EPHA6: variants seen among roughly 807,000 people sequenced by gnomAD.
EPHA6 encodes EPH receptor A6.
In EPHA6, 50 loss-of-function variants were observed where a neutral mutation model predicts 112.0. That is an observed-to-expected ratio of 0.45 (90% CI 0.36 to 0.56). The LOEUF (loss-of-function observed/expected upper bound fraction) is 0.56. Among genes scored for constraint, EPHA6 ranks in the 20% least tolerant of loss-of-function variants. The pLI is 0.00. For synonymous variants in EPHA6, 529 were observed against 490.7 expected, an observed-to-expected ratio of 1.08 and a Z score of -1.03; for missense variants, 1,280 against 1,417.4, an observed-to-expected ratio of 0.90 and a Z score of 1.56.
At position 97,148,158 on chromosome 3, in the gene EPHA6, T is replaced by G. The variant is rs886529023; in HGVS notation, c.1115-78106T>G. ...CACCCAGAGACACTTGTAATGAAAG[T>G]GTACTTCATATCTTTAAAATGCACA... On this transcript the variant is annotated intron_variant, in intron 3 of 17. Transcript: ENST00000389672. 3.9e-5 allele frequency among the ~76,000 whole-genome samples: 6 copies of G among 152,198 alleles called. No individual in the cohort carries two copies. The South Asian group carries it at 6.2e-4, about 16-fold the overall frequency.
chr3:97,633,594 A>T (rs1343897301), intron 13 of EPHA6, among the ~76,000 whole-genome samples: 1 of 152,112 alleles, frequency 6.6e-6, no homozygotes, highest in Non-Finnish European at 1.5e-5. Flanking sequence ...ACTGCTACAT[A>T]AAGGGATAAT....
chr3:97,093,585 G>A (rs72920221), intron 3 of EPHA6, among the ~76,000 whole-genome samples: 2,833 of 151,894 alleles, frequency 0.019, 90 homozygotes, highest in African/African-American at 0.059. Context: ...GGGATAATAC[G>A]CCTGAATGAT....
At chr3:97,233,090 A>G (rs1035109870) in intron 4 of EPHA6, among the ~76,000 whole-genome samples, 8 of 152,048 alleles carry the variant, frequency 5.3e-5, no homozygotes, top group East Asian at 1.9e-4. Context: ...TTGGGAGACC[A>G]CTGTTCCCTG....
intron 3 of EPHA6, among the ~76,000 whole-genome samples, chr3:97,107,247 C>A (rs1346039769): frequency 6.6e-6 from 1 of 151,976 alleles, no homozygotes; most frequent in Non-Finnish European, 1.5e-5. Context: ...GGAGAAAAAT[C>A]TGCCTGAATA....
intron 14 of EPHA6, among the ~76,000 whole-genome samples, chr3:97,645,544 T>C (rs1046571307): frequency 1.0e-4 from 15 of 143,862 alleles, no homozygotes; most frequent in African/African-American, 1.8e-4. Flanking sequence ...AGGGATAGCA[T>C]TGGGAGATAT....
chr3:97,431,172 A>G (rs1559998157), intron 6 of EPHA6, among the ~76,000 whole-genome samples: 1 of 152,190 alleles, frequency 6.6e-6, no homozygotes, highest in East Asian at 1.9e-4. Context: ...AAAGTTTGTT[A>G]TCTCAATTTA....
intron 3 of EPHA6, among the ~76,000 whole-genome samples, chr3:97,122,797 T>C (rs914454148): frequency 6.6e-6 from 1 of 152,046 alleles, no homozygotes; most frequent in Admixed American, 6.6e-5. Flanking sequence ...CCTAATTATA[T>C]GATTAAAATA....
In EPHA6 at chr3:96,997,712, C is replaced by T. The variant is rs562487194; in HGVS notation, c.1114+9719C>T. Among the ~76,000 whole-genome samples, 4 of 151,978 alleles carry T rather than the reference C, an allele frequency of 2.6e-5. No individual in the cohort carries two copies. In the South Asian group the frequency reaches 8.3e-4, roughly 32 times the overall value. On this transcript the variant is annotated intron_variant, in intron 3 of 17. Transcript: ENST00000389672. ...TCATTGATAATATCTGTTATGGTGA[C>T]CTATGATATAGGATCTACATTACAT...
intron 3 of EPHA6, among the ~76,000 whole-genome samples, chr3:97,105,724 G>A (rs6774704): frequency 0.26 from 39,207 of 151,990 alleles, 8,087 homozygotes; most frequent in African/African-American, 0.56. Context: ...CTCTGCCATG[G>A]TGATCTTTCT....
intron 2 of EPHA6, among the ~76,000 whole-genome samples, chr3:96,890,642 C>T (rs924716518): frequency 6.6e-6 from 1 of 151,972 alleles, no homozygotes; most frequent in Non-Finnish European, 1.5e-5. Flanking sequence ...TCAATATGCA[C>T]ATAAAAAAAT....
intron 3 of EPHA6, among the ~76,000 whole-genome samples, chr3:97,055,229 A>G (rs971971968): frequency 2.0e-5 from 3 of 152,154 alleles, no homozygotes; most frequent in African/African-American, 4.8e-5. Flanking sequence ...AGGGACATCT[A>G]TTTTTAACAA....
At chr3:97,154,990 A>T (rs1184728402) in intron 3 of EPHA6, among the ~76,000 whole-genome samples, 1 of 152,180 alleles carries the variant, frequency 6.6e-6, no homozygotes, top group Non-Finnish European at 1.5e-5. Context: ...TAAAATAAAG[A>T]TTATATTGTA....
Position 97,532,667 on chromosome 3 carries a change from A to G in EPHA6, c.2386+124A>G, listed in dbSNP as rs183162382. 2.5e-5 allele frequency: 19 copies of G among 771,444 alleles called. No individual in the cohort carries two copies. The East Asian group carries it at 5.1e-4, about 21-fold the overall frequency. The allele number at this position is 771,444 out of a possible 1,614,324, so 47.8% of individuals were successfully genotyped here. A position where few individuals can be genotyped will look rare whatever the true frequency, so the allele number is the denominator to read the frequency against. ...GGAATAACTTAGTTCAGATATCATC[A>G]CCCCCTCAGAGACTTGATCCTAGGC... On this transcript the variant is annotated intron_variant, in intron 11 of 17. Coordinates refer to ENST00000389672, the MANE Select transcript of EPHA6 (RefSeq NM_001080448.3).
At chr3:97,419,031 A>G (rs1259047232) in intron 6 of EPHA6, among the ~76,000 whole-genome samples, 2 of 152,196 alleles carry the variant, frequency 1.3e-5, no homozygotes, top group East Asian at 3.8e-4. Flanking sequence ...AGGGCCAGGC[A>G]CTGTGGCTCA....
rs1447756825 is a variant in EPHA6 at position 97,448,607 on chromosome 3, G to A, written c.1771G>A (p.Ala591Thr). Reference sequence around the variant, plus strand: ...GACCTACTCTTCCACAAGGTCCAAAGCCCCCAGTGTCATCATCACAGGTCT... The same window carrying A: ...GACCTACTCTTCCACAAGGTCCAAAACCCCCAGTGTCATCATCACAGGTCT... The part of the protein sequence containing the change: ...QLTYSSTRSK[A>T]PSVIITGLKP... The change falls in exon 7 of 18, where the codon GCC becomes ACC. Residue 591 changes from alanine to threonine, a missense_variant. Ala to Thr is a moderately conservative substitution (Grantham distance 58). Coordinates refer to ENST00000389672, the MANE Select transcript of EPHA6 (RefSeq NM_001080448.3). 1 of 1,613,406 alleles carries A rather than the reference G, an allele frequency of 6.2e-7. No homozygotes were observed. The highest frequency in any genetic ancestry group is 8.5e-7 in the Non-Finnish European group (1 of 1,179,552).
chr3:97,567,732 C>T (rs962475511), intron 11 of EPHA6, among the ~76,000 whole-genome samples: 1 of 152,106 alleles, frequency 6.6e-6, no homozygotes, highest in Non-Finnish European at 1.5e-5. Context: ...TACCTCTTAC[C>T]CATGAACGTG....
In EPHA6 at chr3:96,862,366, G is replaced by T. The variant is rs185806182; in HGVS notation, c.386-4459G>T. 4.5e-3 allele frequency among the ~76,000 whole-genome samples: 680 copies of T among 151,868 alleles called. 2 individuals are homozygous for T. The highest frequency in any genetic ancestry group is 7.2e-3 in the Non-Finnish European group (488 of 67,816). ...TTAGTAACTCAGAACCTTAAGCTGG[G>T]CCTTAAAGCTTCTAAATTGAATGAT... is the stretch of plus-strand genomic sequence containing the variant. On this transcript the variant is annotated intron_variant, in intron 1 of 17. Coordinates refer to ENST00000389672, the MANE Select transcript of EPHA6 (RefSeq NM_001080448.3).
chr3:97,000,438 A>T (rs1221214838), intron 3 of EPHA6, among the ~76,000 whole-genome samples: 1 of 151,648 alleles, frequency 6.6e-6, no homozygotes, highest in African/African-American at 2.4e-5. Context: ...CAAAAATTTC[A>T]AAGTCCAGAG....
intron 3 of EPHA6, 49 bp downstream of exon 3, chr3:96,988,042 A>C: frequency 7.0e-7 from 1 of 1,425,922 alleles, no homozygotes; most frequent in Non-Finnish European, 9.3e-7. Flanking sequence ...AATGATTTTA[A>C]AAAAGTTTTA....
Sources: gnomAD v4.1 joint callset for allele counts (sites outside exome capture counted in the v4.1 genomes callset) on GRCh38, gnomAD v4.1.1 for gene constraint, MANE v1.5 for transcripts, NCBI Gene and HGNC (gene_info 2026-07-23, HGNC 2026-07-21) for gene names.